The following DEFB124 variants were observed in gnomAD, a reference collection of about 807,000 sequenced individuals.
DEFB124 encodes the protein beta-defensin 124.
For missense variants in DEFB124, 78 were observed against 83.1 expected, an observed-to-expected ratio of 0.94 and a Z score of 0.24; for synonymous variants, 38 against 36.5, an observed-to-expected ratio of 1.04 and a Z score of -0.15.
intron 2 of DEFB124, among the ~76,000 whole-genome samples, chr20:31,468,722 G>A (rs1025983367): frequency 1.1e-4 from 17 of 152,052 alleles, no homozygotes; most frequent in Non-Finnish European, 2.2e-4. Context: ...TGATCCACCC[G>A]CCTCGGCCTC....
rs3761199 is a variant in DEFB124, at chr20:31,474,653, C to G, written c.-52G>C. 0.46 allele frequency among the ~76,000 whole-genome samples: 69,500 copies of G among 151,828 alleles called. 19,763 individuals are homozygous for G. Among genetic ancestry groups the G allele is most frequent in the African/African-American group, 0.82 (33,922 of 41,442 alleles). On this transcript the variant is annotated 5_prime_UTR_variant, in exon 1 of 3. Coordinates refer to ENST00000317676, the MANE Select transcript of DEFB124 (RefSeq NM_001037500.2). ...TGGGAGCATTTTTTTTTTCAGCCAT[C>G]AGTAATAGAAACAGTAGACAGAGTG...
chr20:31,469,944 G>C (rs1345620903), intron 2 of DEFB124, among the ~76,000 whole-genome samples: 1 of 150,044 alleles, frequency 6.7e-6, no homozygotes, highest in Non-Finnish European at 1.5e-5. Context: ...ATCCCGGCCC[G>C]TTCTCAATGA....
At chr20:31,470,124 G>C (rs1339115460) in intron 2 of DEFB124, among the ~76,000 whole-genome samples, 5 of 132,612 alleles carry the variant, frequency 3.8e-5, no homozygotes, top group Non-Finnish European at 4.8e-5. Context: ...GCCGGGCAGC[G>C]GGGCGCCTCA....
At chr20:31,469,092 A>G (rs1980157212) in intron 2 of DEFB124, among the ~76,000 whole-genome samples, 1 of 152,192 alleles carries the variant, frequency 6.6e-6, no homozygotes, top group Admixed American at 6.5e-5. Context: ...ACTTTCATGT[A>G]TATGTGAAAT....
At chr20:31,466,065 G>A (rs1021106332) in intron 2 of DEFB124, among the ~76,000 whole-genome samples, 6 of 152,094 alleles carry the variant, frequency 3.9e-5, no homozygotes, top group African/African-American at 1.4e-4. Context: ...ACTGAGGCAG[G>A]AGAATCACTT....
intron 2 of DEFB124, among the ~76,000 whole-genome samples, chr20:31,469,348 G>A (rs561770543): frequency 3.9e-5 from 6 of 152,174 alleles, no homozygotes; most frequent in African/African-American, 7.2e-5. Flanking sequence ...GCTTGAACCC[G>A]GGAGGCAGAG....
rs369305241 is a variant in DEFB124 at position 31,466,606 on chromosome 20, A to AATATATATATATATATATATAT, written c.59-944_59-943insATATATATATATATATATATAT. Reference sequence around the variant, plus strand: ...CAAACTAAGACTCCATCTCAAAAAGAATATATATATATATATAAAACCTTA... The same window carrying AATATATATATATATATATATAT: ...CAAACTAAGACTCCATCTCAAAAAGAATATATATATATATATATATATATATATATATATATATAAAACCTTA... On this transcript the variant is annotated intron_variant, in intron 2 of 2. Transcript: ENST00000317676. 6.9e-3 allele frequency among the ~76,000 whole-genome samples: 831 copies of AATATATATATATATATATATAT among 120,388 alleles called. 33 individuals carry two copies. Among genetic ancestry groups the AATATATATATATATATATATAT allele is most frequent in the African/African-American group, 0.019 (460 of 24,108 alleles). The allele number at this position is 120,388 out of a possible 152,430, so 79.0% of individuals were successfully genotyped here.
At chr20:31,471,133 G>A (rs1247622622) in intron 2 of DEFB124, among the ~76,000 whole-genome samples, 3 of 130,156 alleles carry the variant, frequency 2.3e-5, no homozygotes, top group Non-Finnish European at 3.4e-5. Flanking sequence ...GCCGGGCGGG[G>A]GGTTGACCCC....
At chr20:31,474,536 A>C (rs1980421878) in intron 1 of DEFB124, among the ~76,000 whole-genome samples, 91 bp downstream of exon 1, 1 of 152,012 alleles carries the variant, frequency 6.6e-6, no homozygotes, top group Non-Finnish European at 1.5e-5. Context: ...ATTTCTCAAG[A>C]CCTAAAGGGA....
At chr20:31,473,108 G>A in intron 1 of DEFB124, 70 bp from the exon 2 acceptor site, 1 of 1,412,346 alleles carries the variant, frequency 7.1e-7, no homozygotes, top group Non-Finnish European at 9.8e-7. Flanking sequence ...GCTTTATTGA[G>A]CTGCAGATGA....
At chr20:31,470,650 G>T (rs1207280606) in intron 2 of DEFB124, among the ~76,000 whole-genome samples, 1 of 136,654 alleles carries the variant, frequency 7.3e-6, no homozygotes, top group East Asian at 2.4e-4. Flanking sequence ...CTGGCCGGGC[G>T]GGGGGCTGAA....
At chr20:31,470,284 C>T (rs1343770553) in intron 2 of DEFB124, among the ~76,000 whole-genome samples, 15 of 126,040 alleles carry the variant, frequency 1.2e-4, no homozygotes, top group Middle Eastern at 6.4e-3. Flanking sequence ...CCGGACGGGG[C>T]GGCTGGCCGG....
At chr20:31,471,027 G>A (rs1334988843) in intron 2 of DEFB124, among the ~76,000 whole-genome samples, 4 of 135,408 alleles carry the variant, frequency 3.0e-5, no homozygotes, top group East Asian at 2.3e-4. Context: ...CCTCCCTCCC[G>A]GACGGGGCGG....
At chr20:31,471,063 C>G (rs1433026911) in intron 2 of DEFB124, among the ~76,000 whole-genome samples, 1 of 140,464 alleles carries the variant, frequency 7.1e-6, no homozygotes, top group Non-Finnish European at 1.6e-5. Flanking sequence ...GCTGACCCCC[C>G]CCACCTCCCT....
At chr20:31,465,876 G>A (rs1427113031) in intron 2 of DEFB124, among the ~76,000 whole-genome samples, 2 of 152,196 alleles carry the variant, frequency 1.3e-5, no homozygotes, top group African/African-American at 4.8e-5. Flanking sequence ...AGAGACTAAG[G>A]CCAGGCGCGG....
intron 1 of DEFB124, among the ~76,000 whole-genome samples, chr20:31,474,097 C>A (rs1364804969): frequency 6.6e-6 from 1 of 152,150 alleles, no homozygotes; most frequent in Non-Finnish European, 1.5e-5. Flanking sequence ...GGCTTGAATG[C>A]CAAGTTCAGA....
At chr20:31,472,912 CAT>C (rs1416491827) in intron 2 of DEFB124, 42 bp downstream of exon 2, 3 of 1,571,634 alleles carry the variant, frequency 1.9e-6, no homozygotes, top group Non-Finnish European at 1.7e-6. Context: ...TACAAGCACA[CAT>C]GTGCACACAC....
intron 2 of DEFB124, among the ~76,000 whole-genome samples, chr20:31,470,606 ACC>A (rs746201611): frequency 0.022 from 525 of 24,336 alleles, 37 homozygotes; most frequent in Middle Eastern, 0.1. Flanking sequence ...CGGGGGGCTG[ACC>A]CCCCCCCCCA....
chr20:31,471,355 C>CG (rs559914056), intron 2 of DEFB124, among the ~76,000 whole-genome samples: 2,236 of 5,204 alleles, frequency 0.43, 993 homozygotes, highest in Admixed American at 0.57. Context: ...GCTGGCCGGG[C>CG]GGGGGCTGAC....
Sources: gnomAD v4.1 joint callset for allele counts (sites outside exome capture counted in the v4.1 genomes callset) on GRCh38, gnomAD v4.1.1 for gene constraint, MANE v1.5 for transcripts, NCBI Gene and HGNC (gene_info 2026-07-23, HGNC 2026-07-21) for gene names.